Variants in TAFA5 observed in about 807,000 individuals in gnomAD.
TAFA5 encodes the protein TAFA chemokine like family member 5, also known as chemokine-like protein TAFA-5.
TAFA5 carries 6 observed loss-of-function variants against 15.3 expected under a neutral mutation model. The observed-to-expected ratio is 0.39, with a 90% confidence interval of 0.21 to 0.77. The LOEUF (loss-of-function observed/expected upper bound fraction) is 0.77, where lower values mean the gene tolerates loss of function less well. TAFA5 is among the 30% of genes least tolerant of loss of function. The pLI is 0.41. For missense variants in TAFA5, 161 were observed against 193.1 expected, an observed-to-expected ratio of 0.83 and a Z score of 0.98; for synonymous variants, 103 against 80.7, an observed-to-expected ratio of 1.28 and a Z score of -1.48.
At chr22:48,717,628 A>G (rs1047326344) in intron 3 of TAFA5, among the ~76,000 whole-genome samples, 1 of 152,226 alleles carries the variant, frequency 6.6e-6, no homozygotes, top group Non-Finnish European at 1.5e-5. Context: ...CCTCAGCCAG[A>G]TCCATTGCCC....
At chr22:48,669,571 A>T (rs1927735006) in intron 2 of TAFA5, among the ~76,000 whole-genome samples, 2 of 152,222 alleles carry the variant, frequency 1.3e-5, no homozygotes, top group Non-Finnish European at 2.9e-5. Flanking sequence ...AGTTTCCAAA[A>T]TTGGATGCAG....
intron 1 of TAFA5, among the ~76,000 whole-genome samples, chr22:48,564,016 G>C (rs1280428647): frequency 6.6e-6 from 1 of 152,206 alleles, no homozygotes; most frequent in Non-Finnish European, 1.5e-5. Flanking sequence ...TCCTCAGCGT[G>C]GGGTCCCCCA....
chr22:48,628,844 G>A (rs1333815304), intron 1 of TAFA5, among the ~76,000 whole-genome samples: 8 of 152,342 alleles, frequency 5.3e-5, no homozygotes, highest in South Asian at 4.1e-4. Context: ...CAATCCTTAC[G>A]TGTGCCAGCC....
chr22:48,555,148 G>A (rs915533245), intron 1 of TAFA5, among the ~76,000 whole-genome samples: 1 of 152,252 alleles, frequency 6.6e-6, no homozygotes, highest in Non-Finnish European at 1.5e-5. Flanking sequence ...AAACAGCCCA[G>A]GGCCTGGCAC....
chr22:48,586,928 C>T (rs372865513), intron 1 of TAFA5, among the ~76,000 whole-genome samples: 19 of 152,316 alleles, frequency 1.2e-4, no homozygotes, highest in African/African-American at 4.1e-4. Context: ...CTGTAGTGTG[C>T]GGGGCAGCCA....
chr22:48,512,770 A>G (rs1921263651), intron 1 of TAFA5, among the ~76,000 whole-genome samples: 1 of 151,702 alleles, frequency 6.6e-6, no homozygotes, highest in Non-Finnish European at 1.5e-5. Context: ...AATACAAAAA[A>G]AAATTACCCG....
intron 2 of TAFA5, among the ~76,000 whole-genome samples, chr22:48,684,128 G>A (rs184318267): frequency 2.6e-4 from 40 of 151,986 alleles, no homozygotes; most frequent in Middle Eastern, 3.4e-3. Context: ...GGAGTGAGCC[G>A]TTACCTGAAT....
At chr22:48,734,954 T>C (rs966158752) in intron 3 of TAFA5, among the ~76,000 whole-genome samples, 1 of 152,230 alleles carries the variant, frequency 6.6e-6, no homozygotes, top group East Asian at 1.9e-4. Context: ...CAGGAGGAAG[T>C]GGAGGGGAAT....
intron 1 of TAFA5, among the ~76,000 whole-genome samples, chr22:48,565,848 G>A (rs1246039116): frequency 6.6e-6 from 1 of 152,226 alleles, no homozygotes; most frequent in Non-Finnish European, 1.5e-5. Context: ...CCAGGGATGG[G>A]TGGACGGATG....
chr22:48,492,497 T>C (rs185891977), intron 1 of TAFA5, among the ~76,000 whole-genome samples: 17 of 152,320 alleles, frequency 1.1e-4, no homozygotes, highest in African/African-American at 3.4e-4. Flanking sequence ...CTTGGCCCAG[T>C]GAGAGTCCGG....
At chr22:48,655,319 G>C (rs1927196921) in intron 2 of TAFA5, among the ~76,000 whole-genome samples, 1 of 152,236 alleles carries the variant, frequency 6.6e-6, no homozygotes, top group Admixed American at 6.5e-5. Flanking sequence ...AAGTCCTTAA[G>C]TACTTGGATA....
At chr22:48,704,757 G>A (rs12158242) in intron 2 of TAFA5, among the ~76,000 whole-genome samples, 2 of 151,454 alleles carry the variant, frequency 1.3e-5, no homozygotes. Context: ...ATGTCTCCTG[G>A]TCTCCTGGCT....
At chr22:48,635,134 G>A (rs998072440) in intron 1 of TAFA5, among the ~76,000 whole-genome samples, 2 of 152,218 alleles carry the variant, frequency 1.3e-5, no homozygotes, top group African/African-American at 4.8e-5. Flanking sequence ...TGTTCCCGTT[G>A]TGGCCTGTTG....
intron 2 of TAFA5, among the ~76,000 whole-genome samples, chr22:48,698,004 G>A (rs1232483413): frequency 6.6e-6 from 1 of 151,576 alleles, no homozygotes; most frequent in African/African-American, 2.4e-5. Context: ...TGGTGAGCAT[G>A]ATGGTGCGAC....
chr22:48,701,934 G>A (rs1235262889), intron 2 of TAFA5, among the ~76,000 whole-genome samples: 1 of 152,220 alleles, frequency 6.6e-6, no homozygotes, highest in Admixed American at 6.5e-5. Flanking sequence ...CCGGGGACTG[G>A]GGGGCCTTGG....
At chr22:48,746,809 C>T (rs969176422) in intron 3 of TAFA5, among the ~76,000 whole-genome samples, 9 of 152,170 alleles carry the variant, frequency 5.9e-5, no homozygotes, top group African/African-American at 1.9e-4. Flanking sequence ...TGGCAGCCTG[C>T]TTCCTCAGCA....
intron 1 of TAFA5, among the ~76,000 whole-genome samples, chr22:48,609,705 C>T (rs1375484588): frequency 3.9e-5 from 6 of 152,222 alleles, no homozygotes; most frequent in East Asian, 3.9e-4. Context: ...AGCCTCTACA[C>T]GACTGGTGTG....
chr22:48,628,117 G>A lies in TAFA5; in HGVS notation c.113-18480G>A, dbSNP rs1926088518. Among the ~76,000 whole-genome samples the A allele has an allele frequency of 2.0e-5, 3 of 152,144 alleles. No individual in the cohort carries two copies. The South Asian group carries it at 6.2e-4, about 31-fold the overall frequency. On this transcript the variant is annotated intron_variant, in intron 1 of 3. Coordinates refer to ENST00000402357, the MANE Select transcript of TAFA5 (RefSeq NM_001082967.3). ...GCCGGCTCTGTGAGGTCTGGCCTGA[G>A]GCTCTGGTGGGTCCTTGGGGTTGAG...
At chr22:48,592,732 G>A (rs1196316030) in intron 1 of TAFA5, among the ~76,000 whole-genome samples, 2 of 151,674 alleles carry the variant, frequency 1.3e-5, no homozygotes, top group Admixed American at 1.3e-4. Context: ...CCTGCTCAGA[G>A]GCCTGAGCCA....
Sources: gnomAD v4.1 joint callset for allele counts (sites outside exome capture counted in the v4.1 genomes callset) on GRCh38, gnomAD v4.1.1 for gene constraint, MANE v1.5 for transcripts, NCBI Gene and HGNC (gene_info 2026-07-23, HGNC 2026-07-21) for gene names.